CA1: variants seen among roughly 807,000 people sequenced by gnomAD.
CA1 encodes the protein carbonate dehydratase I.
Under a neutral mutation model 28.8 loss-of-function variants are expected in CA1, and 27 were observed. The observed-to-expected ratio is 0.94, with a 90% confidence interval of 0.69 to 1.29. The LOEUF is 1.29. Among genes scored for constraint, CA1 ranks in the 50% most tolerant of loss-of-function variants. CA1 has a pLI of 0.00. For synonymous variants in CA1, 121 were observed against 108.8 expected, an observed-to-expected ratio of 1.11 and a Z score of -0.70; for missense variants, 335 against 310.5, an observed-to-expected ratio of 1.08 and a Z score of -0.59.
At chr8:85,337,964 A>G in intron 3 of CA1, 2 of 518,124 alleles carry the variant, frequency 3.9e-6, no homozygotes, top group Non-Finnish European at 7.0e-6. Context: ...TTCTGGATAA[A>G]TGCTGTTTAT....
chr8:85,334,601 T>TCCC (rs1230315137), intron 4 of CA1, among the ~76,000 whole-genome samples: 1,834 of 141,660 alleles, frequency 0.013, 35 homozygotes, highest in African/African-American at 0.043. Flanking sequence ...CCTCCCTCCC[T>TCCC]CCCTTCCTTC....
chr8:85,332,130 T>G (rs1196035900), intron 6 of CA1, among the ~76,000 whole-genome samples: 1 of 152,184 alleles, frequency 6.6e-6, no homozygotes, highest in Non-Finnish European at 1.5e-5. Context: ...AGAATGCCCT[T>G]TACTTCTGAA....
intron 1 of CA1, among the ~76,000 whole-genome samples, chr8:85,365,425 C>T (rs760881416): frequency 6.6e-6 from 1 of 152,174 alleles, no homozygotes; most frequent in Non-Finnish European, 1.5e-5. Flanking sequence ...AAAGTGAGCA[C>T]TGCTTGGCTG....
chr8:85,339,521 A>C (rs1432216837), intron 2 of CA1, among the ~76,000 whole-genome samples: 5 of 152,172 alleles, frequency 3.3e-5, no homozygotes, highest in African/African-American at 1.2e-4. Flanking sequence ...ATTGAAATTA[A>C]TCTGTTTAAT....
At chr8:85,362,882 A>T (rs1809853213) in intron 1 of CA1, among the ~76,000 whole-genome samples, 1 of 152,194 alleles carries the variant, frequency 6.6e-6, no homozygotes, top group Admixed American at 6.5e-5. Flanking sequence ...AGCAATAGAT[A>T]CCTGAGAAGA....
intron 1 of CA1, among the ~76,000 whole-genome samples, chr8:85,367,874 G>A (rs1285342257): frequency 3.3e-5 from 5 of 152,066 alleles, no homozygotes; most frequent in Non-Finnish European, 5.9e-5. Context: ...GTAAGACTAC[G>A]ACTAAGCTAT....
intron 1 of CA1, among the ~76,000 whole-genome samples, chr8:85,372,330 G>A (rs1425939602): frequency 6.6e-6 from 1 of 152,160 alleles, no homozygotes. Context: ...ACAAGTGTTG[G>A]CGATGATGTG....
intron 1 of CA1, among the ~76,000 whole-genome samples, chr8:85,352,142 A>T (rs998442025): frequency 6.6e-6 from 1 of 152,212 alleles, no homozygotes; most frequent in Non-Finnish European, 1.5e-5. Flanking sequence ...CTGAAACACC[A>T]GGTCTGCATC....
At chr8:85,340,791 A>G (rs1022831268) in intron 2 of CA1, among the ~76,000 whole-genome samples, 2 of 152,110 alleles carry the variant, frequency 1.3e-5, no homozygotes, top group African/African-American at 2.4e-5. Flanking sequence ...ACCTTCAGCA[A>G]CCACTATCCT....
At chr8:85,359,425 C>T (rs942766453) in intron 1 of CA1, among the ~76,000 whole-genome samples, 3 of 152,118 alleles carry the variant, frequency 2.0e-5, no homozygotes, top group Non-Finnish European at 2.9e-5. Context: ...TGACTTCATT[C>T]GGTGGATGAG....
At chr8:85,328,810 G>A (rs1808279634) in intron 7 of CA1, 134 bp from the exon 8 acceptor site, 1 of 513,696 alleles carries the variant, frequency 1.9e-6, no homozygotes, top group Non-Finnish European at 3.5e-6. Context: ...TAGGAAGAGA[G>A]AAAGCCCCAA....
chr8:85,330,680 T>C (rs1020213662), intron 6 of CA1, among the ~76,000 whole-genome samples: 1 of 152,180 alleles, frequency 6.6e-6, no homozygotes, highest in African/African-American at 2.4e-5. Flanking sequence ...GGCATTAACT[T>C]TTATCAAATG....
At chr8:85,333,460 C>T in intron 5 of CA1, 65 bp downstream of exon 5, 1 of 988,368 alleles carries the variant, frequency 1.0e-6, no homozygotes, top group Non-Finnish European at 1.6e-6. Flanking sequence ...GCCTTATTTC[C>T]TTCTATTTTG....
At chr8:85,365,098 G>C (rs1404337889) in intron 1 of CA1, among the ~76,000 whole-genome samples, 1 of 152,226 alleles carries the variant, frequency 6.6e-6, no homozygotes, top group East Asian at 1.9e-4. Context: ...ATACAGCTGA[G>C]CTGTATGAAG....
At chr8:85,362,046 C>T (rs964569447) in intron 1 of CA1, among the ~76,000 whole-genome samples, 3 of 152,124 alleles carry the variant, frequency 2.0e-5, no homozygotes, top group African/African-American at 4.8e-5. Flanking sequence ...ATCCAAAATA[C>T]GTTTTTGGGG....
chr8:85,363,192 T>G (rs1809866703), intron 1 of CA1, among the ~76,000 whole-genome samples: 1 of 152,212 alleles, frequency 6.6e-6, no homozygotes, highest in South Asian at 2.1e-4. Flanking sequence ...ATGAGAGAAA[T>G]TCCAGTTCTT....
At chr8:85,372,828 C>G (rs1006598812) in intron 1 of CA1, among the ~76,000 whole-genome samples, 6 of 152,178 alleles carry the variant, frequency 3.9e-5, no homozygotes, top group African/African-American at 1.4e-4. Flanking sequence ...CATATCGCCT[C>G]TGTACATGCT....
At chr8:85,373,827 A>T (rs1304909596) in intron 1 of CA1, among the ~76,000 whole-genome samples, 2 of 152,224 alleles carry the variant, frequency 1.3e-5, no homozygotes, top group Non-Finnish European at 2.9e-5. Context: ...TAAGCCATAT[A>T]CAAAGGGACA....
intron 4 of CA1, among the ~76,000 whole-genome samples, chr8:85,336,576 G>C (rs1415591714): frequency 6.6e-6 from 1 of 152,134 alleles, no homozygotes; most frequent in African/African-American, 2.4e-5. Context: ...CGATACTGCT[G>C]GTGTATCCAA....
Sources: gnomAD v4.1 joint callset for allele counts (sites outside exome capture counted in the v4.1 genomes callset) on GRCh38, gnomAD v4.1.1 for gene constraint, MANE v1.5 for transcripts, NCBI Gene and HGNC (gene_info 2026-07-23, HGNC 2026-07-21) for gene names.